KHDRBS2: variants seen among roughly 807,000 people sequenced by gnomAD.
The protein encoded by KHDRBS2 is KH domain-containing, RNA-binding, signal transduction-associated protein 2.
In KHDRBS2, 26 loss-of-function variants were observed where a neutral mutation model predicts 44.3. The ratio of observed to expected loss-of-function variants is 0.59; its 90% confidence interval spans 0.43 to 0.81. KHDRBS2 has a LOEUF of 0.81. KHDRBS2 is among the 40% of genes least tolerant of loss of function. The pLI is 0.00. For missense variants in KHDRBS2, 476 were observed against 433.1 expected (o/e 1.10, Z -0.88); for synonymous variants, 194 against 151.1 (o/e 1.28, Z -2.08).
In KHDRBS2 at chr6:61,874,462, T is replaced by A. The variant is rs186689383; in HGVS notation, c.810+20173A>T. Among the ~76,000 whole-genome samples, 75 of 152,258 alleles carry A rather than the reference T, an allele frequency of 4.9e-4. 1 individual carries two copies. Among genetic ancestry groups the A allele is most frequent in the Middle Eastern group, 3.4e-3 (1 of 294 alleles). ...CCCTCCTTTCTAAATGTGTCTACTT[T>A]TTCCCCCATTCTTCATCACCAGTAA... On this transcript the variant is annotated intron_variant, in intron 6 of 8. Transcript: ENST00000281156.
chr6:61,836,643 A>G lies in KHDRBS2; in HGVS notation c.810+57992T>C, dbSNP rs193185829. ...CATCAGTGCTATAACTAACTAGAGA[A>G]ATAAAATGGATGTCTATGATCTCTC... On this transcript the variant is annotated intron_variant, in intron 6 of 8. Transcript: ENST00000281156. 1.8e-4 allele frequency among the ~76,000 whole-genome samples: 28 copies of G among 152,188 alleles called. No homozygotes were observed. In the South Asian group the frequency reaches 2.5e-3, roughly 14 times the overall value.
the KHDRBS2 span, among the ~76,000 whole-genome samples, chr6:61,618,057 C>T: frequency 6.6e-6 from 1 of 152,102 alleles, no homozygotes; most frequent in Non-Finnish European, 1.5e-5. Context: ...GGAATTTGAA[C>T]CTAAATAGAA....
intron 6 of KHDRBS2, among the ~76,000 whole-genome samples, chr6:61,852,629 G>T (rs1266039190): frequency 3.3e-5 from 5 of 151,934 alleles, no homozygotes; most frequent in Non-Finnish European, 5.9e-5. Flanking sequence ...GATTAAAGGA[G>T]GCCAAATCCA....
At chr6:62,285,691 C>T (rs1842387472) in intron 1 of KHDRBS2, among the ~76,000 whole-genome samples, 167 bp downstream of exon 1, 1 of 152,154 alleles carries the variant, frequency 6.6e-6, no homozygotes, top group Non-Finnish European at 1.5e-5. Context: ...CTGCTGTCCG[C>T]CCCAAGAACG....
intron 2 of KHDRBS2, among the ~76,000 whole-genome samples, chr6:62,116,583 C>T (rs898712865): frequency 6.6e-6 from 1 of 152,018 alleles, no homozygotes; most frequent in Non-Finnish European, 1.5e-5. Flanking sequence ...ATCCATCACA[C>T]CAAATATTTA....
At chr6:62,183,055 A>G (rs1822668766) in intron 1 of KHDRBS2, among the ~76,000 whole-genome samples, 1 of 151,814 alleles carries the variant, frequency 6.6e-6, no homozygotes, top group South Asian at 2.1e-4. Context: ...CACTTCTAGT[A>G]TTTATCGGAC....
chr6:61,740,988 A>C lies in KHDRBS2; in HGVS notation c.811-8224T>G, dbSNP rs373008057. Among the ~76,000 whole-genome samples, 78 of 152,024 alleles carry C rather than the reference A, an allele frequency of 5.1e-4. 3 individuals carry two copies. In the East Asian group the frequency reaches 0.013, roughly 26 times the overall value. The stretch of plus-strand genomic sequence containing the variant: ...AAGCTCTACGTGAACACAATGTTCC[A>C]AGCACTACTTCCGCTCTAGGAAATG... On this transcript the variant is annotated intron_variant, in intron 6 of 8. Coordinates refer to ENST00000281156, the MANE Select transcript of KHDRBS2 (RefSeq NM_152688.4).
intron 4 of KHDRBS2, among the ~76,000 whole-genome samples, chr6:61,940,474 G>A (rs186933612): frequency 6.6e-6 from 1 of 152,236 alleles, no homozygotes; most frequent in African/African-American, 2.4e-5. Context: ...ACTGCTCCAG[G>A]GAGTGGAGGG....
Position 61,749,106 on chromosome 6 carries a change from A to G in KHDRBS2, c.811-16342T>C, listed in dbSNP as rs1248473626. 3.6e-5 allele frequency among the ~76,000 whole-genome samples: 5 copies of G among 137,996 alleles called. No individual in the cohort carries two copies. In the East Asian group the frequency reaches 1.1e-3, roughly 29 times the overall value. 90.5% of individuals were successfully genotyped at this position (137,996 alleles called of 152,430 possible). On this transcript the variant is annotated intron_variant, in intron 6 of 8. Transcript: ENST00000281156. ...CGGCTCACTGCAAACTCCGCCTCCC[A>G]GGTTCACACCATTGTCCTGCTTCAG...
At chr6:61,864,372 C>T (rs1199251680) in intron 6 of KHDRBS2, among the ~76,000 whole-genome samples, 1 of 152,120 alleles carries the variant, frequency 6.6e-6, no homozygotes, top group Non-Finnish European at 1.5e-5. Flanking sequence ...CATAGTGTCA[C>T]TGGTCTGTAT....
At chr6:62,073,640 G>A (rs1258495286) in intron 2 of KHDRBS2, among the ~76,000 whole-genome samples, 5 of 149,894 alleles carry the variant, frequency 3.3e-5, no homozygotes, top group African/African-American at 7.3e-5. Context: ...TAAGGTGGAA[G>A]TTTAGTTCAT....
At chr6:61,804,203 G>A (rs1016883250) in intron 6 of KHDRBS2, among the ~76,000 whole-genome samples, 2 of 152,034 alleles carry the variant, frequency 1.3e-5, no homozygotes, top group East Asian at 1.9e-4. Flanking sequence ...AGGGACTACC[G>A]GCCCCTTGCA....
At chr6:62,087,141 A>AAGGATC (rs1306128381) in intron 2 of KHDRBS2, among the ~76,000 whole-genome samples, 3 of 152,150 alleles carry the variant, frequency 2.0e-5, no homozygotes, top group Non-Finnish European at 4.4e-5. Flanking sequence ...AGCAAAAGAA[A>AAGGATC]AGGATCAAAT....
At chr6:62,222,159 G>A (rs1482061435) in intron 1 of KHDRBS2, among the ~76,000 whole-genome samples, 1 of 152,106 alleles carries the variant, frequency 6.6e-6, no homozygotes, top group Non-Finnish European at 1.5e-5. Context: ...AAGGGATTAG[G>A]TGTGCCTCTC....
At chr6:61,565,225 C>T in the KHDRBS2 span, among the ~76,000 whole-genome samples, 1 of 151,928 alleles carries the variant, frequency 6.6e-6, no homozygotes, top group Non-Finnish European at 1.5e-5. Context: ...GAGAAGAAAA[C>T]ATTGGGGAAA....
At chr6:61,715,765 G>C (rs1412683928) in intron 7 of KHDRBS2, among the ~76,000 whole-genome samples, 2 of 147,788 alleles carry the variant, frequency 1.4e-5, no homozygotes, top group African/African-American at 5.0e-5. Context: ...TTCCTACTGT[G>C]CCTTTGGAAG....
chr6:62,228,909 C>T lies in KHDRBS2; in HGVS notation c.92-51597G>A, dbSNP rs1487129873. On this transcript the variant is annotated intron_variant, in intron 1 of 8. Coordinates refer to ENST00000281156, the MANE Select transcript of KHDRBS2 (RefSeq NM_152688.4). ...TGGGATCTCTGACCTCGAGGGGCAC[C>T]GAACTGATTGCCAGTAGGAACATTC... Among the ~76,000 whole-genome samples, 5 of 152,254 alleles carry T rather than the reference C, an allele frequency of 3.3e-5. No individual in the cohort carries two copies. In the East Asian group the frequency reaches 9.7e-4, roughly 29 times the overall value.
chr6:61,843,526 G>A (rs1399704838), intron 6 of KHDRBS2, among the ~76,000 whole-genome samples: 1 of 151,354 alleles, frequency 6.6e-6, no homozygotes, highest in Non-Finnish European at 1.5e-5. Context: ...CCCCACACCT[G>A]GCTAATTTTT....
At chr6:61,863,582 T>A (rs1238627996) in intron 6 of KHDRBS2, among the ~76,000 whole-genome samples, 1 of 151,988 alleles carries the variant, frequency 6.6e-6, no homozygotes, top group Non-Finnish European at 1.5e-5. Context: ...GTTCATGTAG[T>A]TAAATGGTTT....
Sources: allele counts gnomAD v4.1 joint callset (sites outside exome capture counted in the v4.1 genomes callset), GRCh38; gene constraint gnomAD v4.1.1; transcripts MANE v1.5; gene names NCBI Gene and HGNC (gene_info 2026-07-23, HGNC 2026-07-21).